The following RGS6 variants were observed in gnomAD, a reference collection of about 807,000 sequenced individuals.
RGS6 encodes regulator of G-protein signaling 6.
In RGS6, 30 loss-of-function variants were observed where a neutral mutation model predicts 78.5. The ratio of observed to expected loss-of-function variants is 0.38; its 90% confidence interval spans 0.29 to 0.52. The LOEUF is 0.52. Among genes scored for constraint, RGS6 ranks in the 20% least tolerant of loss-of-function variants. The pLI is 0.85. For synonymous variants in RGS6, 206 were observed against 206.0 expected (o/e 1.00, Z 0.00); for missense variants, 495 against 609.7 (o/e 0.81, Z 1.98).
intron 2 of RGS6, among the ~76,000 whole-genome samples, chr14:72,015,732 G>A (rs2086808625): frequency 6.6e-6 from 1 of 152,150 alleles, no homozygotes; most frequent in Non-Finnish European, 1.5e-5. Context: ...TATCCTCTTA[G>A]TTATCAGATT....
intron 3 of RGS6, among the ~76,000 whole-genome samples, chr14:72,431,885 T>G (rs1421267041): frequency 6.6e-6 from 1 of 152,286 alleles, no homozygotes; most frequent in South Asian, 2.1e-4. Flanking sequence ...CTTTTTTCCC[T>G]TAAGACTTCC....
At chr14:72,112,009 T>A (rs1369532891) in intron 2 of RGS6, among the ~76,000 whole-genome samples, 1 of 152,200 alleles carries the variant, frequency 6.6e-6, no homozygotes, top group Non-Finnish European at 1.5e-5. Flanking sequence ...GGCTCTTTGG[T>A]TTAATCCCCT....
intron 2 of RGS6, among the ~76,000 whole-genome samples, chr14:72,102,431 G>A (rs2095547040): frequency 6.6e-6 from 1 of 152,162 alleles, no homozygotes; most frequent in African/African-American, 2.4e-5. Flanking sequence ...AAAATCTCAA[G>A]GTTGACCAAG....
At chr14:72,135,123 A>G (rs1389055448) in intron 2 of RGS6, among the ~76,000 whole-genome samples, 2 of 152,196 alleles carry the variant, frequency 1.3e-5, no homozygotes, top group African/African-American at 2.4e-5. Flanking sequence ...TTTTTTGTCT[A>G]TAAGTCTTGT....
chr14:72,619,462 GA>G, the RGS6 span: 1 of 1,400,592 alleles, frequency 7.1e-7, no homozygotes, highest in Non-Finnish European at 9.7e-7. Context: ...TGTTTCCTTT[GA>G]ACTTTGGCAA....
At chr14:72,518,085 A>G (rs1283905196) in intron 14 of RGS6, among the ~76,000 whole-genome samples, 1 of 152,206 alleles carries the variant, frequency 6.6e-6, no homozygotes, top group African/African-American at 2.4e-5. Context: ...AGGTTGAGAA[A>G]CCTTCATGTA....
intron 2 of RGS6, among the ~76,000 whole-genome samples, chr14:71,994,888 G>A (rs372681957): frequency 1.3e-5 from 2 of 152,186 alleles, no homozygotes; most frequent in African/African-American, 2.4e-5. Context: ...CACTCAGTTT[G>A]TGGTACTTTG....
chr14:72,113,977 C>T (rs2095831993), intron 2 of RGS6, among the ~76,000 whole-genome samples: 1 of 152,150 alleles, frequency 6.6e-6, no homozygotes, highest in Admixed American at 6.5e-5. Flanking sequence ...TATTAAAGTC[C>T]TTCAAGACTT....
chr14:71,984,448 C>T (rs1413963939), intron 2 of RGS6, among the ~76,000 whole-genome samples: 4 of 119,520 alleles, frequency 3.3e-5, no homozygotes, highest in South Asian at 5.7e-4. Flanking sequence ...AGTTTGAGAC[C>T]AGCCCGTGCA....
chr14:72,439,796 T>C (rs2095108651), intron 3 of RGS6, among the ~76,000 whole-genome samples: 1 of 152,172 alleles, frequency 6.6e-6, no homozygotes, highest in East Asian at 1.9e-4. Flanking sequence ...AGGTAACTTA[T>C]TCCCTGGCAG....
At chr14:72,372,080 G>T (rs1283318010) in intron 3 of RGS6, among the ~76,000 whole-genome samples, 1 of 152,206 alleles carries the variant, frequency 6.6e-6, no homozygotes, top group Non-Finnish European at 1.5e-5. Context: ...TTAGCTCCTT[G>T]TGCAGTTGAA....
intron 2 of RGS6, chr14:71,990,801 C>G: frequency 2.2e-6 from 1 of 456,080 alleles, no homozygotes; most frequent in Non-Finnish European, 4.4e-6. Flanking sequence ...AAAGACATCT[C>G]TGTTTGAATC....
At chr14:72,514,250 A>T (rs1470148448) in intron 14 of RGS6, among the ~76,000 whole-genome samples, 1 of 152,184 alleles carries the variant, frequency 6.6e-6, no homozygotes, top group Non-Finnish European at 1.5e-5. Context: ...AGGGCATAGA[A>T]ACACTTTCTT....
chr14:72,052,971 TTCTTTCTTTCTTTCTC>T (rs1298531764), intron 2 of RGS6, among the ~76,000 whole-genome samples: 318 of 50,478 alleles, frequency 6.3e-3, no homozygotes, highest in African/African-American at 0.012. Flanking sequence ...CTTTCTTTCT[TTCTTTCTTTCTTTCTC>T]TCTCTCTCTC....
the RGS6 span, among the ~76,000 whole-genome samples, chr14:71,886,315 A>G: frequency 1.3e-5 from 2 of 152,202 alleles, no homozygotes; most frequent in Non-Finnish European, 2.9e-5. Flanking sequence ...TTAAAAGGTA[A>G]GCTCATTGAG....
intron 13 of RGS6, among the ~76,000 whole-genome samples, chr14:72,501,953 C>T (rs1282254871): frequency 1.3e-5 from 2 of 152,208 alleles, no homozygotes; most frequent in Non-Finnish European, 2.9e-5. Context: ...GAATATTAGT[C>T]AAGCTCCTTT....
the RGS6 span, among the ~76,000 whole-genome samples, chr14:72,572,114 CACA>C: frequency 2.0e-5 from 3 of 152,202 alleles, no homozygotes; most frequent in Non-Finnish European, 4.4e-5. Context: ...GATACCACTT[CACA>C]ACCACTGGGA....
intron 2 of RGS6, among the ~76,000 whole-genome samples, chr14:72,230,076 G>A (rs568672178): frequency 3.3e-5 from 5 of 152,332 alleles, no homozygotes; most frequent in African/African-American, 1.2e-4. Flanking sequence ...TGGAATTGGG[G>A]TATCAAATTG....
chr14:72,044,108 C>T (rs1489310041), intron 2 of RGS6, among the ~76,000 whole-genome samples: 2 of 152,198 alleles, frequency 1.3e-5, no homozygotes, highest in Non-Finnish European at 2.9e-5. Context: ...CCATCAAAAA[C>T]ATTCTTCACT....
Sources: allele counts gnomAD v4.1 joint callset (sites outside exome capture counted in the v4.1 genomes callset), GRCh38; gene constraint gnomAD v4.1.1; transcripts MANE v1.5; gene names NCBI Gene and HGNC (gene_info 2026-07-23, HGNC 2026-07-21).